Variants in MAPK8 observed in about 807,000 individuals in gnomAD.
MAPK8 encodes the protein mitogen-activated protein kinase 8.
A neutral mutation model predicts 52.9 loss-of-function variants in MAPK8; 13 were observed. The observed-to-expected ratio is 0.25, with a 90% confidence interval of 0.16 to 0.39. The LOEUF (loss-of-function observed/expected upper bound fraction) is 0.39. MAPK8 is among the 10% of genes least tolerant of loss of function. MAPK8 has a pLI of 1.00. For missense variants in MAPK8, 300 were observed against 519.2 expected (o/e 0.58, Z 4.10); for synonymous variants, 191 against 169.8 (o/e 1.12, Z -0.97).
chr10:48,426,287 A>G (rs1215238538), intron 8 of MAPK8, 93 bp from the exon 9 acceptor site: 4 of 1,133,468 alleles, frequency 3.5e-6, no homozygotes, highest in East Asian at 2.7e-5. Flanking sequence ...TTTTTAAAAC[A>G]TATGCTTTTT....
At chr10:48,382,952 G>GTA (rs905225802) in intron 1 of MAPK8, among the ~76,000 whole-genome samples, 19 of 105,986 alleles carry the variant, frequency 1.8e-4, no homozygotes, top group South Asian at 2.8e-4. Flanking sequence ...ATATATATAT[G>GTA]TATATATATA....
In MAPK8 at chr10:48,429,496, G is replaced by A. The variant is rs73293521; in HGVS notation, c.1061-1697G>A. 3.5e-3 allele frequency among the ~76,000 whole-genome samples: 531 copies of A among 152,286 alleles called. 4 individuals carry two copies. The highest frequency in any genetic ancestry group is 0.012 in the African/African-American group (518 of 41,556). ...AGTTTTAGCGCATAGCAGAAAGAAA[G>A]ATTAATTGCCAAAGCCATTAATTAC... On this transcript the variant is annotated intron_variant, in intron 10 of 11. Transcript: ENST00000374189.
chr10:48,311,008 T>TCTGA (rs1554806319), intron 1 of MAPK8, among the ~76,000 whole-genome samples: 9 of 151,490 alleles, frequency 5.9e-5, no homozygotes, highest in South Asian at 2.1e-4. Context: ...CGTGCTCCAA[T>TCTGA]CTAACTGTGG....
chr10:48,333,046 G>A (rs1287915310), intron 1 of MAPK8, among the ~76,000 whole-genome samples: 1 of 152,130 alleles, frequency 6.6e-6, no homozygotes, highest in Non-Finnish European at 1.5e-5. Flanking sequence ...ACTGGAGACA[G>A]CCCATCCACA....
chr10:48,396,767 G>T (rs894361520), intron 1 of MAPK8, among the ~76,000 whole-genome samples: 1 of 151,978 alleles, frequency 6.6e-6, no homozygotes, highest in African/African-American at 2.4e-5. Flanking sequence ...AGAATCTTAA[G>T]GGCATTATAC....
intron 6 of MAPK8, 99 bp downstream of exon 6, chr10:48,420,419 TA>T: frequency 9.0e-7 from 1 of 1,113,160 alleles, no homozygotes; most frequent in East Asian, 2.5e-5. Context: ...TACGTTGAGT[TA>T]AATGTGTATC....
At chr10:48,357,441 C>T (rs572330686) in intron 1 of MAPK8, among the ~76,000 whole-genome samples, 1 of 152,162 alleles carries the variant, frequency 6.6e-6, no homozygotes, top group East Asian at 1.9e-4. Context: ...TTTACCTATG[C>T]TGGAGTGCGG....
intron 1 of MAPK8, among the ~76,000 whole-genome samples, chr10:48,399,432 T>C (rs1184064114): frequency 1.3e-5 from 2 of 152,220 alleles, no homozygotes; most frequent in African/African-American, 4.8e-5. Context: ...TTGGAGCCTG[T>C]CTGCCTGCCT....
intron 6 of MAPK8, among the ~76,000 whole-genome samples, chr10:48,422,000 A>AT (rs1478152140): frequency 7.7e-4 from 103 of 134,604 alleles, no homozygotes; most frequent in African/African-American, 2.5e-3. Flanking sequence ...CACTCATTTT[A>AT]TTTATCTTAT....
intron 1 of MAPK8, among the ~76,000 whole-genome samples, chr10:48,377,502 G>T (rs963934261): frequency 6.6e-6 from 1 of 152,130 alleles, no homozygotes; most frequent in African/African-American, 2.4e-5. Flanking sequence ...ATGTGACTGT[G>T]GTGTGTGAGC....
At chr10:48,373,381 TAAC>T (rs1334956675) in intron 1 of MAPK8, among the ~76,000 whole-genome samples, 8 of 151,698 alleles carry the variant, frequency 5.3e-5, no homozygotes, top group Non-Finnish European at 8.8e-5. Context: ...ATTTCACACA[TAAC>T]AATATTAACC....
At chr10:48,331,485 C>T (rs1218578400) in intron 1 of MAPK8, among the ~76,000 whole-genome samples, 2 of 152,232 alleles carry the variant, frequency 1.3e-5, no homozygotes, top group South Asian at 2.1e-4. Flanking sequence ...TTCCACTGGT[C>T]TTTTCCCCTC....
intron 1 of MAPK8, among the ~76,000 whole-genome samples, chr10:48,336,022 C>T (rs958969390): frequency 2.6e-5 from 4 of 152,038 alleles, no homozygotes; most frequent in Non-Finnish European, 5.9e-5. Context: ...TTTCTTTATA[C>T]CACCATTGTC....
intron 5 of MAPK8, chr10:48,410,376 C>G (rs1024303898): frequency 2.6e-6 from 1 of 391,302 alleles, no homozygotes; most frequent in Non-Finnish European, 4.5e-6. Context: ...TGGCATGATA[C>G]CAGTCTGCTT....
At chr10:48,380,071 G>A (rs558057179) in intron 1 of MAPK8, among the ~76,000 whole-genome samples, 5 of 151,572 alleles carry the variant, frequency 3.3e-5, no homozygotes, top group South Asian at 2.1e-4. Flanking sequence ...ATGAAACACC[G>A]TCTTTAATAA....
chr10:48,331,692 A>C (rs1390690699), intron 1 of MAPK8, among the ~76,000 whole-genome samples: 3 of 152,210 alleles, frequency 2.0e-5, no homozygotes, highest in African/African-American at 7.2e-5. Flanking sequence ...TTGAGTCAGA[A>C]GTCCTCTTAA....
Position 48,424,124 on chromosome 10 carries a change from T to C in MAPK8, c.653T>C (p.Met218Thr), listed in dbSNP as rs2043527957. Residue 218 changes from methionine to threonine, a missense_variant, in exon 7 of 12, where the codon ATG becomes ACG. This residue lies in a region of MAPK8 where 147 missense variants were observed against 328.1 expected (regional missense o/e 0.45). Coordinates refer to ENST00000374189, the MANE Select transcript of MAPK8 (RefSeq NM_001323329.2). ...TCTGTGGGGTGCATTATGGGAGAAA[T>C]GGTTTGCCACAAAATCCTCTTTCCA... ...LWSVGCIMGE[M>T]VCHKILFPGR... is the part of the protein sequence containing the mutation. 3 of 1,613,530 alleles carry C rather than the reference T, an allele frequency of 1.9e-6. No homozygotes were observed. Among genetic ancestry groups the C allele is most frequent in the South Asian group, 1.1e-5 (1 of 91,058 alleles).
At chr10:48,365,584 C>G (rs1292276749) in intron 1 of MAPK8, among the ~76,000 whole-genome samples, 1 of 152,048 alleles carries the variant, frequency 6.6e-6, no homozygotes. Flanking sequence ...AAATTCTAAA[C>G]CTTTGCTAAC....
intron 1 of MAPK8, among the ~76,000 whole-genome samples, chr10:48,336,889 A>G (rs1474665999): frequency 1.3e-5 from 2 of 152,330 alleles, no homozygotes; most frequent in East Asian, 3.9e-4. Flanking sequence ...AGACAAGGGC[A>G]TTATATAATG....
Sources: allele counts gnomAD v4.1 joint callset (sites outside exome capture counted in the v4.1 genomes callset), GRCh38; gene constraint gnomAD v4.1.1; regional missense constraint gnomAD v4.1.1; transcripts MANE v1.5; gene names NCBI Gene and HGNC (gene_info 2026-07-23, HGNC 2026-07-21).